The following PITPNM1 variants were observed in gnomAD, a reference collection of about 807,000 sequenced individuals.
PITPNM1 encodes the protein membrane-associated phosphatidylinositol transfer protein 1.
Under a neutral mutation model 133.3 loss-of-function variants are expected in PITPNM1, and 74 were observed. The observed-to-expected ratio is 0.56, with a 90% CI of 0.46 to 0.67. The LOEUF (loss-of-function observed/expected upper bound fraction) is 0.67. PITPNM1 is among the 30% of genes least tolerant of loss of function. The pLI, the probability that PITPNM1 is intolerant of heterozygous loss-of-function variation, is 0.00. For synonymous variants in PITPNM1, 738 were observed against 741.4 expected, an observed-to-expected ratio of 1.00 and a Z score of 0.08; for missense variants, 1,398 against 1,739.5, an observed-to-expected ratio of 0.80 and a Z score of 3.49.
At chr11:67,493,207 C>G in intron 22 of PITPNM1, 145 bp from the exon 23 acceptor site, 1 of 1,142,768 alleles carries the variant, frequency 8.8e-7, no homozygotes, top group Non-Finnish European at 1.3e-6. Flanking sequence ...GGGACAGGGG[C>G]GGGACCAGCT....
In PITPNM1 at chr11:67,500,268, C is replaced by T; in HGVS notation, c.794G>A (p.Gly265Glu). The T allele has an allele frequency of 6.2e-7, 1 of 1,608,810 alleles. No individual in the cohort carries two copies. The highest frequency in any genetic ancestry group is 2.2e-5 in the East Asian group (1 of 44,882). Reference protein sequence around the residue: ...RMAKCNTGSEGSEAQPPGKPS... With the variant: ...RMAKCNTGSEESEAQPPGKPS... ...TTTCCCGGGGGGCTGGGCCTCGGAC[C>T]CCTCACTGCCTGTGTTGCACTTGGC... Residue 265 changes from glycine (G) to glutamate (E), a missense_variant, in exon 6 of 24, where the codon GGG (glycine) becomes GAG (glutamate). By Grantham distance (98) the Gly-to-Glu change is moderately conservative. Around this residue, in one of 5 missense-constraint regions of PITPNM1, gnomAD observed 195 missense variants for 178.8 expected, o/e 1.09. Coordinates refer to ENST00000356404, the MANE Select transcript of PITPNM1 (RefSeq NM_004910.3).
chr11:67,497,021 C>A (rs939433607), intron 14 of PITPNM1: 14 of 470,610 alleles, frequency 3.0e-5, no homozygotes, highest in Non-Finnish European at 4.9e-5. Context: ...GAACATCCCA[C>A]GGGTGTGAAG....
intron 14 of PITPNM1, chr11:67,496,670 C>T: frequency 6.2e-6 from 2 of 320,054 alleles, no homozygotes; most frequent in Non-Finnish European, 1.1e-5. Flanking sequence ...TTCAGTGGCT[C>T]ATTCCTGGAA....
Position 67,494,872 on chromosome 11 carries a change from G to A in PITPNM1, c.2716C>T (p.Arg906Ter), listed in dbSNP as rs748164991. The A allele has an allele frequency of 6.2e-7, 1 of 1,612,772 alleles. No individual in the cohort carries two copies. Among genetic ancestry groups the A allele is most frequent in the Non-Finnish European group, 8.5e-7 (1 of 1,179,724 alleles). ...CGGATCTTGACCTGCGTGCGTTTTC[G>A]CTGCCACTTCTCCCTGGGGAAGGCC... is the stretch of plus-strand genomic sequence containing the variant. ...SPAFPREKWQ[R>*]KRTQVKIRNV... Residue 906 changes from arginine (R) to a stop codon, truncating the protein, a stop_gained, in exon 18 of 24, where the codon CGA (arginine) becomes TGA (stop). Coordinates refer to ENST00000356404, the MANE Select transcript of PITPNM1 (RefSeq NM_004910.3). LOFTEE classifies it high-confidence loss of function.
At position 67,500,325 on chromosome 11, in the gene PITPNM1, T is replaced by C; in HGVS notation, c.737A>G (p.Glu246Gly). ...CTGGGCCAGCATGCGAGCAGTCTCC[T>C]CTTCCAGTGCCCGGATGTCAGCCAT... ...LSMADIRALE[E>G]ETARMLAQRM... The change falls in exon 6 of 24, where the codon GAG becomes GGG. Residue 246 changes from glutamate (E) to glycine (G), a missense_variant. By Grantham distance (98) the Glu-to-Gly change is moderately conservative (BLOSUM62 -2). Transcript: ENST00000356404. 6.2e-7 allele frequency: 1 copy of C among 1,612,094 alleles called. No individual in the cohort carries two copies. The highest frequency in any genetic ancestry group is 8.5e-7 in the Non-Finnish European group (1 of 1,179,906).
chr11:67,496,320 C>T lies in PITPNM1; in HGVS notation c.2175G>A (p.Gln725=), dbSNP rs147137485. The part of the protein sequence containing the change: ...EAAQMRPACE[Q]IYNLFHAADP... ...CAGCCGCGTGGAAGAGGTTGTAGAT[C>T]TGTTCACAGGCTGGGCGCATCTGGG... The change falls in exon 15 of 24, where the codon CAG becomes CAA. Residue 725 remains glutamine (Q), a synonymous_variant. Transcript: ENST00000356404. 77 of 1,584,450 alleles carry T rather than the reference C, an allele frequency of 4.9e-5. 2 individuals carry two copies. The highest frequency in any genetic ancestry group is 2.9e-4 in the East Asian group (12 of 41,724).
intron 2 of PITPNM1, among the ~76,000 whole-genome samples, chr11:67,503,538 G>A (rs1329322325): frequency 6.6e-6 from 1 of 152,154 alleles, no homozygotes. Context: ...GGCGGGGTCC[G>A]GGCCCTCTTG....
chr11:67,493,169 G>C (rs549759931), intron 22 of PITPNM1, 107 bp from the exon 23 acceptor site: 17 of 1,384,046 alleles, frequency 1.2e-5, no homozygotes, highest in Admixed American at 1.8e-5. Context: ...CCAGGCAGAC[G>C]GAGGCGAAGA....
intron 16 of PITPNM1, 85 bp downstream of exon 16, chr11:67,495,353 G>T: frequency 6.8e-7 from 1 of 1,460,018 alleles, no homozygotes. Context: ...GTGTGCTGGG[G>T]GAAAGGGTTT....
Position 67,505,067 on chromosome 11 carries a change from T to G in PITPNM1, c.-42+121A>C, listed in dbSNP as rs73506048. 6,066 of 152,772 alleles carry G rather than the reference T, an allele frequency of 0.04. 387 individuals are homozygous for G. Among genetic ancestry groups the G allele is most frequent in the African/African-American group, 0.13 (5,583 of 41,496 alleles). 9.5% of individuals were successfully genotyped at this position (152,772 alleles called of 1,614,324 possible). ...ACCGAGGTTCCGCTGCAGGCACCCC[T>G]CCATCCCCCACTCGCACCCCGCGAG... On this transcript the variant is annotated intron_variant, in intron 1 of 23. Coordinates refer to ENST00000356404, the MANE Select transcript of PITPNM1 (RefSeq NM_004910.3). The surrounding 1 kb of genome is among the most constrained non-coding windows in gnomAD (Gnocchi z 5.8).
chr11:67,495,630 G>A, intron 15 of PITPNM1, 28 bp from the exon 16 acceptor site: 1 of 1,528,694 alleles, frequency 6.5e-7, no homozygotes, highest in Non-Finnish European at 8.7e-7. Flanking sequence ...AGGTCAGCAG[G>A]GGCCGGCCAG....
rs763109640 is a variant in PITPNM1 at position 67,494,338 on chromosome 11, G to A, written c.2765C>T (p.Ala922Val). 2 of 1,607,642 alleles carry A rather than the reference G, an allele frequency of 1.2e-6. No individual in the cohort carries two copies. Among genetic ancestry groups the A allele is most frequent in the South Asian group, 1.1e-5 (1 of 90,466 alleles). The change falls in exon 19 of 24, where the codon GCG becomes GTG. Residue 922 changes from alanine to valine, a missense_variant. Physicochemically the swap from Ala to Val is moderately conservative, Grantham distance 64. Coordinates refer to ENST00000356404, the MANE Select transcript of PITPNM1 (RefSeq NM_004910.3). Reference sequence around the variant, plus strand: ...GCCCTCGCACACCACCGTGTCGCTCGCCCGGTGGTTGGAAGTGACGTTCTA... The same window carrying A: ...GCCCTCGCACACCACCGTGTCGCTCACCCGGTGGTTGGAAGTGACGTTCTA... ...KIRNVTSNHR[A>V]SDTVVCEGRP...
intron 14 of PITPNM1, chr11:67,496,616 A>G (rs1380261752): frequency 2.2e-6 from 1 of 460,974 alleles, no homozygotes; most frequent in Non-Finnish European, 3.8e-6. Context: ...TCTGGCCAAC[A>G]TGGTGAAACC....
chr11:67,493,134 T>C, intron 22 of PITPNM1, 72 bp from the exon 23 acceptor site: 1 of 1,576,006 alleles, frequency 6.3e-7, no homozygotes, highest in African/African-American at 1.3e-5. Context: ...CTGTTGGGCT[T>C]CCCCAGATTG....
rs1223409564 is a variant in PITPNM1, at chr11:67,494,313, G to T, written c.2790C>A (p.Gly930=). 6.2e-7 allele frequency: 1 copy of T among 1,611,724 alleles called. No individual in the cohort carries two copies. The highest frequency in any genetic ancestry group is 1.3e-5 in the African/African-American group (1 of 74,900). The change falls in exon 19 of 24, where the codon GGC becomes GGA. Residue 930 remains glycine, a synonymous_variant. Transcript: ENST00000356404. ...AGCGCCCGCTTAGCACCTGGGGGCG[G>T]CCCTCGCACACCACCGTGTCGCTCG... ...HRASDTVVCE[G]RPQVLSGRFM...
rs564434605 is a variant in PITPNM1, at chr11:67,496,407, G to A, written c.2147-59C>T. ...TCAGGGTTTCAGCTGGGCACTCTGG[G>A]AGGTAGGGGGTGTGGGAGCAGCACC... On this transcript the variant is annotated intron_variant, in intron 14 of 23. Transcript: ENST00000356404. The A allele has an allele frequency of 9.4e-4, 1,391 of 1,480,916 alleles. 19 individuals are homozygous for A. In the South Asian group the frequency reaches 0.017, roughly 18 times the overall value. 91.7% of individuals were successfully genotyped at this position (1,480,916 alleles called of 1,614,324 possible).
At chr11:67,501,825 G>A (rs1403556017) in intron 5 of PITPNM1, 37 bp downstream of exon 5, 1 of 1,570,970 alleles carries the variant, frequency 6.4e-7, no homozygotes, top group East Asian at 2.3e-5. Flanking sequence ...TCTGGGGCAT[G>A]CTGGGTAAGT....
Position 67,493,601 on chromosome 11 carries a change from G to C in PITPNM1, c.3159-8C>G, listed in dbSNP as rs1249161834. On this transcript the variant is annotated splice_region_variant and splice_polypyrimidine_tract_variant and intron_variant, in intron 21 of 23. Coordinates refer to ENST00000356404, the MANE Select transcript of PITPNM1 (RefSeq NM_004910.3). ...CCGGAGTCCTGCCAGTGCCTGTGGG[G>C]CGGGGGCAGCGGTCAGCTCCGCTGG... The C allele has an allele frequency of 9.7e-6, 15 of 1,545,298 alleles. No individual in the cohort carries two copies. The highest frequency in any genetic ancestry group is 1.3e-5 in the Non-Finnish European group (15 of 1,144,092).
At chr11:67,503,525 C>T (rs1392834600) in intron 2 of PITPNM1, among the ~76,000 whole-genome samples, 1 of 152,178 alleles carries the variant, frequency 6.6e-6, no homozygotes, top group Non-Finnish European at 1.5e-5. Flanking sequence ...CTTTCAAGCC[C>T]GAGGCGGGGT....
Sources: gnomAD v4.1 joint callset for allele counts (sites outside exome capture counted in the v4.1 genomes callset) on GRCh38, gnomAD v4.1.1 for gene constraint, gnomAD v4.1.1 regional missense constraint, Gnocchi (gnomAD v3.1) non-coding constraint, MANE v1.5 for transcripts, NCBI Gene and HGNC (gene_info 2026-07-23, HGNC 2026-07-21) for gene names.